Variants in PRTFDC1 observed in about 807,000 individuals in gnomAD.
PRTFDC1 encodes the protein phosphoribosyltransferase domain-containing protein 1.
Under a neutral mutation model 34.6 loss-of-function variants are expected in PRTFDC1, and 38 were observed. The ratio of observed to expected loss-of-function variants is 1.10; its 90% CI spans 0.85 to 1.44. The LOEUF is 1.44. Among genes scored for constraint, PRTFDC1 ranks in the 40% most tolerant of loss-of-function variants. The pLI is 0.00. For missense variants in PRTFDC1, 270 were observed against 283.0 expected (o/e 0.95, Z 0.33); for synonymous variants, 93 against 98.1 (o/e 0.95, Z 0.31).
intron 3 of PRTFDC1, among the ~76,000 whole-genome samples, chr10:24,878,645 G>A (rs1275699233): frequency 2.0e-5 from 3 of 152,158 alleles, no homozygotes; most frequent in Non-Finnish European, 2.9e-5. Context: ...GTACTACATA[G>A]AGCACGCCAG....
intron 4 of PRTFDC1, among the ~76,000 whole-genome samples, chr10:24,858,771 C>A (rs1847624428): frequency 6.6e-6 from 1 of 152,166 alleles, no homozygotes. Context: ...AACAATGCAA[C>A]ATGAACTGCA....
chr10:24,897,509 C>T (rs1565270121), intron 3 of PRTFDC1, among the ~76,000 whole-genome samples: 1 of 152,136 alleles, frequency 6.6e-6, no homozygotes, highest in Non-Finnish European at 1.5e-5. Flanking sequence ...CCTTTGATGG[C>T]AGGAAACCCT....
chr10:24,882,375 A>C (rs974977711), intron 3 of PRTFDC1, among the ~76,000 whole-genome samples: 5 of 152,128 alleles, frequency 3.3e-5, no homozygotes, highest in African/African-American at 9.7e-5. Flanking sequence ...TGAATGTAGC[A>C]ATTGCCGATG....
chr10:24,851,402 A>C lies in PRTFDC1; in HGVS notation c.616T>G (p.Phe206Val). 1 of 1,612,092 alleles carries C rather than the reference A, an allele frequency of 6.2e-7. No homozygotes were observed. The highest frequency in any genetic ancestry group is 1.1e-5 in the South Asian group (1 of 90,452). ...VGYALDYNEY[F>V]RDLNHICVIN... is the part of the protein sequence containing the mutation. ...GCAAGACTTACATTCAGATCTCTGA[A>C]GTATTCATTGTAATCTAAGGCATAT... is the stretch of plus-strand genomic sequence containing the variant. Residue 206 changes from phenylalanine (F) to valine (V), a missense_variant, in exon 8 of 9, where the codon TTC becomes GTC. Phe to Val is a conservative substitution (Grantham distance 50). Coordinates refer to ENST00000320152, the MANE Select transcript of PRTFDC1 (RefSeq NM_020200.7).
Position 24,922,036 on chromosome 10 carries a change from T to C in PRTFDC1, c.339+15148A>G, listed in dbSNP as rs555092147. Among the ~76,000 whole-genome samples, 168 of 152,326 alleles carry C rather than the reference T, an allele frequency of 1.1e-3. 1 individual carries two copies. The highest frequency in any genetic ancestry group is 3.8e-3 in the African/African-American group (160 of 41,580). ...ATTTTCCCCAAACCATTTTATTATA[T>C]ATCCAACTGTGTTGCTTTTTCCCAC... On this transcript the variant is annotated intron_variant, in intron 3 of 8. Coordinates refer to ENST00000320152, the MANE Select transcript of PRTFDC1 (RefSeq NM_020200.7).
chr10:24,869,696 G>A (rs1340434475), intron 4 of PRTFDC1, among the ~76,000 whole-genome samples: 6 of 152,208 alleles, frequency 3.9e-5, no homozygotes, highest in Non-Finnish European at 7.3e-5. Context: ...CACCTCAGCT[G>A]TGTTGCATTC....
chr10:24,950,331 A>C (rs972335228), intron 1 of PRTFDC1, among the ~76,000 whole-genome samples: 1 of 152,048 alleles, frequency 6.6e-6, no homozygotes, highest in African/African-American at 2.4e-5. Context: ...GAATATTTGC[A>C]TTATACTTCC....
Position 24,919,732 on chromosome 10 carries a change from A to G in PRTFDC1, c.339+17452T>C, listed in dbSNP as rs187820655. ...GGGAGAAAATTTTTGCAATCTATGC[A>G]TCTGACAAAGGGCTAATATCCAGAA... On this transcript the variant is annotated intron_variant, in intron 3 of 8. Transcript: ENST00000320152. 1.9e-3 allele frequency among the ~76,000 whole-genome samples: 286 copies of G among 152,352 alleles called. 2 individuals carry two copies. Among genetic ancestry groups the G allele is most frequent in the African/African-American group, 6.7e-3 (279 of 41,588 alleles).
intron 3 of PRTFDC1, among the ~76,000 whole-genome samples, chr10:24,905,114 C>T (rs1848510815): frequency 1.3e-5 from 2 of 151,264 alleles, no homozygotes; most frequent in Non-Finnish European, 2.9e-5. Flanking sequence ...TTAAACCAGC[C>T]TGGACAACAT....
At chr10:24,951,465 C>A in intron 1 of PRTFDC1, 1 of 694,416 alleles carries the variant, frequency 1.4e-6, no homozygotes, top group Non-Finnish European at 1.8e-6. Flanking sequence ...AGGAAAGGTC[C>A]TGCTGTTAAA....
chr10:24,934,248 GAGA>G (rs200367106), intron 3 of PRTFDC1, among the ~76,000 whole-genome samples: 11,645 of 97,086 alleles, frequency 0.12, 693 homozygotes, highest in East Asian at 0.31. Context: ...GAAGAAGAAG[GAGA>G]AGAAGAAGAA....
chr10:24,896,083 C>G (rs1848357601), intron 3 of PRTFDC1, among the ~76,000 whole-genome samples: 1 of 152,062 alleles, frequency 6.6e-6, no homozygotes, highest in African/African-American at 2.4e-5. Context: ...GCACAGAAGT[C>G]AACAGTAGGT....
intron 3 of PRTFDC1, among the ~76,000 whole-genome samples, chr10:24,906,071 A>G (rs1205011975): frequency 6.6e-6 from 1 of 152,116 alleles, no homozygotes; most frequent in Non-Finnish European, 1.5e-5. Flanking sequence ...GTTGCAAATG[A>G]TAGGATGTCC....
chr10:24,858,472 CA>C, intron 4 of PRTFDC1, 63 bp from the exon 5 acceptor site: 1 of 1,542,820 alleles, frequency 6.5e-7, no homozygotes. Flanking sequence ...GATACATACA[CA>C]TTTTTTTGCT....
At chr10:24,903,164 C>T (rs1199909324) in intron 3 of PRTFDC1, among the ~76,000 whole-genome samples, 1 of 152,126 alleles carries the variant, frequency 6.6e-6, no homozygotes, top group East Asian at 1.9e-4. Context: ...TGCCTGAGAT[C>T]GTGAGCGCTC....
chr10:24,871,990 G>A lies in PRTFDC1; in HGVS notation c.405+8C>T. 1 of 1,605,304 alleles carries A rather than the reference G, an allele frequency of 6.2e-7. No individual in the cohort carries two copies. The highest frequency in any genetic ancestry group is 8.5e-7 in the Non-Finnish European group (1 of 1,172,216). The stretch of plus-strand genomic sequence containing the variant: ...CAATGCGGTCTGAGCACAGTTACAT[G>A]AACAAACCTTTCCAGCCAGCGTTGA... On this transcript the variant is annotated splice_region_variant and intron_variant, in intron 4 of 8. Coordinates refer to ENST00000320152, the MANE Select transcript of PRTFDC1 (RefSeq NM_020200.7).
chr10:24,875,033 T>C (rs1291333574), intron 3 of PRTFDC1, among the ~76,000 whole-genome samples: 2 of 152,176 alleles, frequency 1.3e-5, no homozygotes, highest in East Asian at 1.9e-4. Context: ...ACCATGATTG[T>C]AGGTTTCCGG....
At chr10:24,851,588 G>C in intron 7 of PRTFDC1, 124 bp from the exon 8 acceptor site, 1 of 1,387,542 alleles carries the variant, frequency 7.2e-7, no homozygotes, top group Non-Finnish European at 9.6e-7. Context: ...GAGGGAGTGA[G>C]AAATGGTGAG....
chr10:24,932,613 A>G (rs1412408557), intron 3 of PRTFDC1, among the ~76,000 whole-genome samples: 2 of 152,038 alleles, frequency 1.3e-5, no homozygotes, highest in African/African-American at 4.8e-5. Flanking sequence ...CTGACACTTG[A>G]AAACCAGAAA....
Sources: gnomAD v4.1 joint callset for allele counts (sites outside exome capture counted in the v4.1 genomes callset) on GRCh38, gnomAD v4.1.1 for gene constraint, MANE v1.5 for transcripts, NCBI Gene and HGNC (gene_info 2026-07-23, HGNC 2026-07-21) for gene names.